Variants in VAC14 observed in about 807,000 individuals in gnomAD.
VAC14 encodes the protein protein VAC14 homolog.
VAC14 carries 47 observed loss-of-function variants against 85.3 expected under a neutral mutation model. That is an observed-to-expected ratio of 0.55 (90% CI 0.44 to 0.70). The LOEUF (loss-of-function observed/expected upper bound fraction) is 0.70. Ranked by LOEUF, VAC14 falls within the 30% of genes least tolerant of loss-of-function variation. The pLI is 0.00. For missense variants in VAC14, 861 were observed against 1,004.3 expected, an observed-to-expected ratio of 0.86 and a Z score of 1.93; for synonymous variants, 447 against 430.5, an observed-to-expected ratio of 1.04 and a Z score of -0.47.
rs145054065 is a variant in VAC14 at position 70,745,482 on chromosome 16, A to AGTGTGTGTGTGTGT, written c.1372-917_1372-904dup. On this transcript the variant is annotated intron_variant, in intron 12 of 18. Transcript: ENST00000261776. ...GACCTGCCCTGTTGGGAGGGGCTTC[A>AGTGTGTGTGTGTGT]GTGTGTGTGTGTGTGTGTGTGTGTG... Among the ~76,000 whole-genome samples the AGTGTGTGTGTGTGT allele has an allele frequency of 6.7e-4, 96 of 143,870 alleles. 1 individual carries two copies. The highest frequency in any genetic ancestry group is 1.8e-3 in the Admixed American group (27 of 14,784). 94.4% of individuals were successfully genotyped at this position (143,870 alleles called of 152,430 possible). A position where few individuals can be genotyped will look rare whatever the true frequency, so the allele number is the denominator to read the frequency against.
At chr16:70,796,895 G>C (rs1264407421) in intron 1 of VAC14, among the ~76,000 whole-genome samples, 1 of 152,142 alleles carries the variant, frequency 6.6e-6, no homozygotes, top group African/African-American at 2.4e-5. Context: ...GAGGTCCTAA[G>C]GGTGGGGCCC....
chr16:70,690,639 C>T (rs2053579426), intron 18 of VAC14: 1 of 985,392 alleles, frequency 1.0e-6, no homozygotes, highest in African/African-American at 1.7e-5. Flanking sequence ...CAAAACTCTC[C>T]CAGCTGTTCC....
chr16:70,707,170 TC>T (rs1386917154), intron 14 of VAC14, among the ~76,000 whole-genome samples: 1 of 152,246 alleles, frequency 6.6e-6, no homozygotes, highest in East Asian at 1.9e-4. Flanking sequence ...CTTCCAACTC[TC>T]TGCTTCCAAG....
At chr16:70,753,800 G>A (rs111277980) in intron 12 of VAC14, among the ~76,000 whole-genome samples, 88 of 152,278 alleles carry the variant, frequency 5.8e-4, no homozygotes, top group Non-Finnish European at 9.0e-4. Context: ...GGCTTGAGCC[G>A]GGGCTGGATA....
intron 12 of VAC14, among the ~76,000 whole-genome samples, chr16:70,750,299 G>A (rs545162543): frequency 7.9e-5 from 12 of 152,306 alleles, no homozygotes; most frequent in Non-Finnish European, 1.3e-4. Flanking sequence ...ATTAGTATGC[G>A]CTACACAGCT....
intron 10 of VAC14, chr16:70,771,509 ACTT>A (rs2033219124): frequency 6.6e-6 from 1 of 151,738 alleles, no homozygotes; most frequent in Non-Finnish European, 1.5e-5. Context: ...TATTATTATA[ACTT>A]GCGTTTACTG....
chr16:70,761,287 C>G (rs1026561705), intron 12 of VAC14: 4 of 352,090 alleles, frequency 1.1e-5, no homozygotes, highest in African/African-American at 6.5e-5. Flanking sequence ...CCATCCCCCC[C>G]ACCCAGCCTC....
intron 10 of VAC14, chr16:70,770,108 C>G (rs2033104946): frequency 6.6e-6 from 1 of 152,296 alleles, no homozygotes; most frequent in Admixed American, 6.5e-5. Context: ...GAGCTCTTGA[C>G]CACCCCACCC....
At position 70,762,436 on chromosome 16, in the gene VAC14, C is replaced by T. The variant is rs951755271; in HGVS notation, c.1371+104G>A. 1 of 1,195,538 alleles carries T rather than the reference C, an allele frequency of 8.4e-7. No individual in the cohort carries two copies. The highest frequency in any genetic ancestry group is 1.2e-6 in the Non-Finnish European group (1 of 821,858). The allele number at this position is 1,195,538 out of a possible 1,614,324, so 74.1% of individuals were successfully genotyped here. A position where few individuals can be genotyped will look rare whatever the true frequency, so the allele number is the denominator to read the frequency against. On this transcript the variant is annotated intron_variant, in intron 12 of 18. Coordinates refer to ENST00000261776, the MANE Select transcript of VAC14 (RefSeq NM_018052.5). This position sits in a 1 kb window ranked among gnomAD's most constrained non-coding sequence, Gnocchi z 4.1. ...AAGTGAGTATTAAACACAGCTTTAC[C>T]TCTAGGAAGGATGCACTGTACCAAA...
intron 1 of VAC14, among the ~76,000 whole-genome samples, chr16:70,788,315 T>C (rs1567608886): frequency 6.6e-6 from 1 of 152,222 alleles, no homozygotes; most frequent in Non-Finnish European, 1.5e-5. Context: ...ATGGAGCACC[T>C]ATCATGCGCC....
intron 9 of VAC14, among the ~76,000 whole-genome samples, chr16:70,777,857 G>A (rs1597995742): frequency 6.6e-6 from 1 of 152,220 alleles, no homozygotes; most frequent in East Asian, 1.9e-4. Context: ...GGGAACAGAG[G>A]GAGCAGAGAG....
At chr16:70,713,710 T>TG (rs1491474518) in intron 14 of VAC14, among the ~76,000 whole-genome samples, 1 of 48,462 alleles carries the variant, frequency 2.1e-5, no homozygotes, top group Non-Finnish European at 5.1e-5. Flanking sequence ...TTTGTTTTTG[T>TG]TTTTTTTTTT....
chr16:70,739,513 C>T (rs2030047858), intron 13 of VAC14, among the ~76,000 whole-genome samples: 1 of 152,228 alleles, frequency 6.6e-6, no homozygotes, highest in Non-Finnish European at 1.5e-5. Flanking sequence ...TCCCCTCTGG[C>T]TGTGGAAGCT....
At chr16:70,778,257 A>T (rs1230853494) in intron 9 of VAC14, among the ~76,000 whole-genome samples, 2 of 152,126 alleles carry the variant, frequency 1.3e-5, no homozygotes, top group African/African-American at 4.8e-5. Context: ...GGCAGGCGAG[A>T]ATTCTACCAC....
intron 1 of VAC14, among the ~76,000 whole-genome samples, chr16:70,792,461 G>A (rs1359698899): frequency 2.0e-5 from 3 of 152,190 alleles, no homozygotes; most frequent in African/African-American, 7.2e-5. Context: ...ACTTCTGCCT[G>A]GTTTCCTCCA....
chr16:70,703,101 G>A (rs1411420922), intron 14 of VAC14, among the ~76,000 whole-genome samples: 1 of 152,204 alleles, frequency 6.6e-6, no homozygotes, highest in African/African-American at 2.4e-5. Flanking sequence ...GTCCCTGCCC[G>A]GCGGAGGCCT....
chr16:70,735,701 C>T (rs547152042), intron 13 of VAC14, among the ~76,000 whole-genome samples: 3 of 152,344 alleles, frequency 2.0e-5, no homozygotes, highest in South Asian at 2.1e-4. Flanking sequence ...CTAGACAGCT[C>T]GCGTGAGCGG....
intron 18 of VAC14, chr16:70,690,844 C>T (rs944238222): frequency 1.0e-6 from 1 of 985,440 alleles, no homozygotes. Flanking sequence ...TATGGTATCT[C>T]TTCCTAGGTC....
At chr16:70,779,385 G>C (rs887202921) in intron 9 of VAC14, among the ~76,000 whole-genome samples, 4 of 152,218 alleles carry the variant, frequency 2.6e-5, no homozygotes, top group African/African-American at 9.6e-5. Context: ...AAAGATCTGA[G>C]TAGGCTTAGT....
Sources: allele counts gnomAD v4.1 joint callset (sites outside exome capture counted in the v4.1 genomes callset), GRCh38; gene constraint gnomAD v4.1.1; non-coding constraint Gnocchi (gnomAD v3.1); transcripts MANE v1.5; gene names NCBI Gene and HGNC (gene_info 2026-07-23, HGNC 2026-07-21).